The following MEGF6 variants were observed in gnomAD, a reference collection of about 807,000 sequenced individuals.
The protein encoded by MEGF6 is multiple EGF like domains 6.
In MEGF6, 184 loss-of-function variants were observed where a neutral mutation model predicts 207.1. The observed-to-expected ratio is 0.89, with a 90% CI of 0.79 to 1.00. The LOEUF is 1.00. MEGF6 is among the 50% of genes least tolerant of loss of function. MEGF6 has a pLI of 0.00. For missense variants in MEGF6, 2,282 were observed against 2,202.9 expected (o/e 1.04, Z -0.72); for synonymous variants, 1,038 against 910.0 (o/e 1.14, Z -2.53).
intron 4 of MEGF6, among the ~76,000 whole-genome samples, chr1:3,555,575 C>T (rs1643010610): frequency 6.6e-6 from 1 of 152,256 alleles, no homozygotes; most frequent in Non-Finnish European, 1.5e-5. Flanking sequence ...CCCCCATCCT[C>T]CACGACTAGA....
chr1:3,566,552 C>T (rs2101669628), intron 4 of MEGF6, among the ~76,000 whole-genome samples: 1 of 152,316 alleles, frequency 6.6e-6, no homozygotes, highest in Non-Finnish European at 1.5e-5. Context: ...GCAGGGCCAG[C>T]AAGCCCCACC....
At chr1:3,555,628 G>C (rs946255693) in intron 4 of MEGF6, among the ~76,000 whole-genome samples, 1 of 152,214 alleles carries the variant, frequency 6.6e-6, no homozygotes, top group Non-Finnish European at 1.5e-5. Flanking sequence ...GGGGGCCCCA[G>C]GGAGCTGAAC....
rs1443556350 is a variant in MEGF6, at chr1:3,506,249, G to A, written c.1790-13C>T. The A allele has an allele frequency of 4.4e-6, 7 of 1,606,882 alleles. No homozygotes were observed. Among genetic ancestry groups the A allele is most frequent in the Middle Eastern group, 1.9e-4 (1 of 5,226 alleles). On this transcript the variant is annotated splice_polypyrimidine_tract_variant and intron_variant, in intron 14 of 36. Transcript: ENST00000356575. ...CCCTTGGGGCAGCCTGGGGGCAGCGGGGCTCCATGTGAACCTTGGTGGCAG... is the reference window on the plus strand; with the variant it reads ...CCCTTGGGGCAGCCTGGGGGCAGCGAGGCTCCATGTGAACCTTGGTGGCAG...
chr1:3,538,854 GC>G (rs1642416075), intron 4 of MEGF6, among the ~76,000 whole-genome samples: 1 of 152,152 alleles, frequency 6.6e-6, no homozygotes, highest in Non-Finnish European at 1.5e-5. Context: ...TGGGGATGTA[GC>G]CCCCAGGCAA....
At position 3,516,066 on chromosome 1, in the gene MEGF6, C is replaced by T. The variant is rs1641531077; in HGVS notation, c.605-539G>A. On this transcript the variant is annotated intron_variant, in intron 5 of 36. Transcript: ENST00000356575. ...GCTTGGCCCCCAGTTCCCAAGGGAC[C>T]AGCACAGCTCCTACCCACCCCAGGC... Among the ~76,000 whole-genome samples the T allele has an allele frequency of 3.3e-5, 5 of 152,224 alleles. No homozygotes were observed. In the South Asian group the frequency reaches 1.0e-3, roughly 31 times the overall value.
chr1:3,490,563 G>T lies in MEGF6; in HGVS notation c.4591C>A (p.Pro1531Thr). The T allele has an allele frequency of 6.2e-7, 1 of 1,613,498 alleles. No homozygotes were observed. Among genetic ancestry groups the T allele is most frequent in the Non-Finnish European group, 8.5e-7 (1 of 1,179,924 alleles). ...SAGTLPASSR[P>T]TSRSGGPARH is the part of the protein sequence containing the mutation. ...GCTGGTCCACCGCTCCGGGATGTGG[G>T]TCTGCTGGAGGCGGGCAGTGTGCCC... is the stretch of plus-strand genomic sequence containing the variant. The change falls in exon 37 of 37, where the codon CCC (proline) becomes ACC (threonine). Residue 1531 changes from proline (P) to threonine (T), a missense_variant. Pro to Thr is a conservative substitution (Grantham distance 38). Coordinates refer to ENST00000356575, the MANE Select transcript of MEGF6 (RefSeq NM_001409.4).
In MEGF6 at chr1:3,539,941, G is replaced by A. The variant is rs532206454; in HGVS notation, c.482-15695C>T. Among the ~76,000 whole-genome samples the A allele has an allele frequency of 2.2e-3, 329 of 152,282 alleles. 1 individual carries two copies. Among genetic ancestry groups the A allele is most frequent in the South Asian group, 4.8e-3 (23 of 4,816 alleles). On this transcript the variant is annotated intron_variant, in intron 4 of 36. Coordinates refer to ENST00000356575, the MANE Select transcript of MEGF6 (RefSeq NM_001409.4). ...CCTGCGAGAGTTACGCAGGCCCCCGGGGTCGCACCTGTCCAGCATCGAGGC... is the reference window on the plus strand; with the variant it reads ...CCTGCGAGAGTTACGCAGGCCCCCGAGGTCGCACCTGTCCAGCATCGAGGC...
chr1:3,617,819 G>A, the MEGF6 span, among the ~76,000 whole-genome samples: 29 of 152,290 alleles, frequency 1.9e-4, no homozygotes, highest in African/African-American at 6.3e-4. Context: ...AGAGCGCAGC[G>A]TGGAGACCGA....
Position 3,506,102 on chromosome 1 carries a change from A to T in MEGF6, c.1918+6T>A, listed in dbSNP as rs1162830856. The T allele has an allele frequency of 1.3e-6, 2 of 1,586,058 alleles. No individual in the cohort carries two copies. Among genetic ancestry groups the T allele is most frequent in the Admixed American group, 3.6e-5 (2 of 55,952 alleles). On this transcript the variant is annotated splice_donor_region_variant and intron_variant, in intron 15 of 36. Transcript: ENST00000356575. ...CATGGACACTGGAAGGGGCAGTGAG[A>T]CTCACTGAGGTGGCAGAAGCGGCCG...
At chr1:3,502,904 G>A (rs1017603733) in intron 17 of MEGF6, among the ~76,000 whole-genome samples, 11 of 152,180 alleles carry the variant, frequency 7.2e-5, no homozygotes, top group African/African-American at 1.4e-4. Flanking sequence ...CTCCCCCAGC[G>A]AGGCGCAGCC....
chr1:3,541,656 G>A lies in MEGF6; in HGVS notation c.482-17410C>T, dbSNP rs117469426. The stretch of plus-strand genomic sequence containing the variant: ...CCAGGCTTCCTAGCCCGCAGCCCTC[G>A]GTCACTTCCCACATGCCTTCCTCTC... On this transcript the variant is annotated intron_variant, in intron 4 of 36. Transcript: ENST00000356575. Among the ~76,000 whole-genome samples the A allele has an allele frequency of 1.3e-3, 196 of 152,258 alleles. 4 individuals carry two copies. In the East Asian group the frequency reaches 0.034, roughly 27 times the overall value.
rs763708989 is a variant in MEGF6, at chr1:3,499,787, G to A, written c.2836+9C>T. 5.3e-5 allele frequency: 83 copies of A among 1,565,740 alleles called. No individual in the cohort carries two copies. Among genetic ancestry groups the A allele is most frequent in the African/African-American group, 1.9e-4 (14 of 73,830 alleles). ...ACCCAGCCTAGCCCCCGCCTGTGCCGTAGCTCACCATGCTCGCAGAAGGTG... is the reference window on the plus strand; with the variant it reads ...ACCCAGCCTAGCCCCCGCCTGTGCCATAGCTCACCATGCTCGCAGAAGGTG... On this transcript the variant is annotated intron_variant, in intron 22 of 36. Coordinates refer to ENST00000356575, the MANE Select transcript of MEGF6 (RefSeq NM_001409.4).
chr1:3,612,592 C>T (rs1644342465), upstream of MEGF6, among the ~76,000 whole-genome samples: 1 of 152,174 alleles, frequency 6.6e-6, no homozygotes, highest in African/African-American at 2.4e-5. Flanking sequence ...AAAGAGCCAG[C>T]CATGCCGGTC....
Position 3,499,650 on chromosome 1 carries a change from C to T in MEGF6, c.2903G>A (p.Cys968Tyr). 6.3e-7 allele frequency: 1 copy of T among 1,595,476 alleles called. No individual in the cohort carries two copies. The highest frequency in any genetic ancestry group is 2.3e-5 in the East Asian group (1 of 44,074). ...SACNCTAGAA[C>Y]DAVNGSCLCP... Reference sequence around the variant, plus strand: ...GAGGCAGGAGCCATTCACGGCATCACAGGCAGCTCCGGCGGTGCAGTTGCA... The same window carrying T: ...GAGGCAGGAGCCATTCACGGCATCATAGGCAGCTCCGGCGGTGCAGTTGCA... The change falls in exon 23 of 37, where the codon TGT (cysteine) becomes TAT (tyrosine). Residue 968 changes from cysteine to tyrosine, a missense_variant. Transcript: ENST00000356575.
rs1643551853 is a variant in MEGF6, at chr1:3,573,027, G to A, written c.481+6798C>T. On this transcript the variant is annotated intron_variant, in intron 4 of 36. Transcript: ENST00000356575. This position sits in a 1 kb window ranked among gnomAD's most constrained non-coding sequence, Gnocchi z 5.1. ...TTCCTGGGTGTGCTGGGTTCTCCTG[G>A]GTATGCTGAGTTCTCTTGGGTGTGC... Among the ~76,000 whole-genome samples the A allele has an allele frequency of 6.8e-6, 1 of 148,022 alleles. No homozygotes were observed. The highest frequency in any genetic ancestry group is 1.5e-5 in the Non-Finnish European group (1 of 67,088).
At chr1:3,592,307 T>G (rs1643992672) in intron 3 of MEGF6, among the ~76,000 whole-genome samples, 1 of 152,146 alleles carries the variant, frequency 6.6e-6, no homozygotes, top group Non-Finnish European at 1.5e-5. Flanking sequence ...CCAAAAGCCT[T>G]GGCCAGGCCC....
At chr1:3,514,318 T>C (rs986779410) in intron 7 of MEGF6, among the ~76,000 whole-genome samples, 8 of 151,506 alleles carry the variant, frequency 5.3e-5, no homozygotes, top group Non-Finnish European at 1.0e-4. Flanking sequence ...GGCTCACTCC[T>C]AGTGAAATGA....
intron 17 of MEGF6, 68 bp from the exon 18 acceptor site, chr1:3,501,989 A>AG: frequency 2.1e-6 from 3 of 1,455,364 alleles, no homozygotes; most frequent in Non-Finnish European, 9.1e-7. Context: ...CCTTTCCCCC[A>AG]GGGGCTCCTG....
intron 26 of MEGF6, among the ~76,000 whole-genome samples, 176 bp downstream of exon 26, chr1:3,498,195 A>C (rs535664880): frequency 6.6e-6 from 1 of 152,252 alleles, no homozygotes; most frequent in Non-Finnish European, 1.5e-5. Context: ...CCAGCTTCCT[A>C]GGCTGAGACC....
Sources: allele counts gnomAD v4.1 joint callset (sites outside exome capture counted in the v4.1 genomes callset), GRCh38; gene constraint gnomAD v4.1.1; non-coding constraint Gnocchi (gnomAD v3.1); transcripts MANE v1.5; gene names NCBI Gene and HGNC (gene_info 2026-07-23, HGNC 2026-07-21).